The following MEIS2 variants were observed in gnomAD, a reference collection of about 807,000 sequenced individuals.
MEIS2 encodes Meis homeobox 2.
Under a neutral mutation model 58.6 loss-of-function variants are expected in MEIS2, and 9 were observed. That is an observed-to-expected ratio of 0.15 (90% CI 0.09 to 0.27). The LOEUF is 0.27. Ranked by LOEUF, MEIS2 falls within the 10% of genes least tolerant of loss-of-function variation. The probability of loss-of-function intolerance (pLI) is 1.00; values close to 1 mark genes in which losing one functional copy is unlikely to be tolerated. For missense variants in MEIS2, 427 were observed against 635.0 expected, an observed-to-expected ratio of 0.67 and a Z score of 3.52; for synonymous variants, 221 against 228.4, an observed-to-expected ratio of 0.97 and a Z score of 0.29.
intron 7 of MEIS2, among the ~76,000 whole-genome samples, chr15:37,052,810 T>A (rs1029848217): frequency 3.3e-5 from 5 of 152,320 alleles, no homozygotes; most frequent in African/African-American, 1.2e-4. Context: ...TCCTTATTCT[T>A]CCGAAACTCA....
intron 9 of MEIS2, among the ~76,000 whole-genome samples, chr15:36,943,870 C>G (rs1402590229): frequency 6.6e-6 from 1 of 152,054 alleles, no homozygotes; most frequent in Non-Finnish European, 1.5e-5. Context: ...TTATTTCCCC[C>G]TCTACTCCTT....
At chr15:36,918,660 T>A (rs576367979) in intron 9 of MEIS2, among the ~76,000 whole-genome samples, 1 of 151,850 alleles carries the variant, frequency 6.6e-6, no homozygotes, top group Admixed American at 6.6e-5. Context: ...GCAGAAAAGG[T>A]GGAGATAACC....
intron 9 of MEIS2, among the ~76,000 whole-genome samples, chr15:36,909,478 G>A (rs923212870): frequency 6.6e-6 from 1 of 152,122 alleles, no homozygotes; most frequent in Non-Finnish European, 1.5e-5. Context: ...TGAGTTTAAG[G>A]ATTTTCTTGT....
At chr15:37,011,736 C>T (rs1227644939) in intron 8 of MEIS2, among the ~76,000 whole-genome samples, 1 of 150,380 alleles carries the variant, frequency 6.6e-6, no homozygotes, top group Non-Finnish European at 1.5e-5. Context: ...TCTTTTGTCT[C>T]AGCCTCCTGA....
At chr15:37,096,092 G>A in intron 3 of MEIS2, 197 bp downstream of exon 3, 1 of 564,340 alleles carries the variant, frequency 1.8e-6, no homozygotes, top group South Asian at 2.8e-5. Flanking sequence ...CTGCTGGGGG[G>A]GAAAACAAAC....
intron 7 of MEIS2, among the ~76,000 whole-genome samples, chr15:37,060,760 G>A (rs1424679328): frequency 2.6e-5 from 4 of 152,136 alleles, no homozygotes. Flanking sequence ...TCTGATGCTT[G>A]GCATTTGGCA....
rs1567126001 is a variant in MEIS2 at position 36,971,536 on chromosome 15, T to TAAAAAAAAAAAAAAAAAAAAAAAAAAAAA, written c.901-21137_901-21136insTTTTTTTTTTTTTTTTTTTTTTTTTTTTT. On this transcript the variant is annotated intron_variant, in intron 8 of 11. Transcript: ENST00000561208. Reference sequence around the variant, plus strand: ...TGTATTACTTGTATGCCTTGTTACATTAAAAAAAAAAAAAAAAAAAAAAAA... The same window carrying TAAAAAAAAAAAAAAAAAAAAAAAAAAAAA: ...TGTATTACTTGTATGCCTTGTTACATAAAAAAAAAAAAAAAAAAAAAAAAAAAAATAAAAAAAAAAAAAAAAAAAAAAAA... 1.1e-4 allele frequency among the ~76,000 whole-genome samples: 7 copies of TAAAAAAAAAAAAAAAAAAAAAAAAAAAAA among 65,422 alleles called. 1 individual carries two copies. Among genetic ancestry groups the TAAAAAAAAAAAAAAAAAAAAAAAAAAAAA allele is most frequent in the Non-Finnish European group, 1.8e-4 (7 of 39,680 alleles). The allele number at this position is 65,422 out of a possible 152,430, so 42.9% of individuals were successfully genotyped here. A position where few individuals can be genotyped will look rare whatever the true frequency, so the allele number is the denominator to read the frequency against.
At position 37,098,421 on chromosome 15, in the gene MEIS2, A is replaced by AGAGAGG. The variant is rs1555474176; in HGVS notation, c.13-223_13-222insCCTCTC. ...GAGAGAGAGAGAGAGAGAGAGAGAG[A>AGAGAGG]GAGAAAATAAAAATAAAAACAAAGT... On this transcript the variant is annotated intron_variant, in intron 1 of 11. Transcript: ENST00000561208. The AGAGAGG allele has an allele frequency of 1.8e-4, 213 of 1,200,848 alleles. 1 individual carries two copies. Among genetic ancestry groups the AGAGAGG allele is most frequent in the Admixed American group, 4.3e-4 (11 of 25,394 alleles). The allele number at this position is 1,200,848 out of a possible 1,614,324, so 74.4% of individuals were successfully genotyped here. A position where few individuals can be genotyped will look rare whatever the true frequency, so the allele number is the denominator to read the frequency against.
At chr15:36,910,784 C>T (rs1359171740) in intron 9 of MEIS2, among the ~76,000 whole-genome samples, 2 of 152,134 alleles carry the variant, frequency 1.3e-5, no homozygotes, top group South Asian at 2.1e-4. Context: ...CAGTGGCTCA[C>T]GCCTGTAATC....
At chr15:37,088,943 G>A (rs529410256) in intron 6 of MEIS2, among the ~76,000 whole-genome samples, 1 of 152,190 alleles carries the variant, frequency 6.6e-6, no homozygotes, top group Non-Finnish European at 1.5e-5. Flanking sequence ...ATGTCTATGT[G>A]GTTGTCAATT....
chr15:37,062,996 C>G (rs1177503150), intron 7 of MEIS2, among the ~76,000 whole-genome samples: 2 of 152,086 alleles, frequency 1.3e-5, no homozygotes, highest in East Asian at 1.9e-4. Context: ...GCATTACAAG[C>G]CTGTCACCAA....
At chr15:36,970,762 G>A (rs117122839) in intron 8 of MEIS2, among the ~76,000 whole-genome samples, 292 of 152,232 alleles carry the variant, frequency 1.9e-3, no homozygotes, top group Non-Finnish European at 3.4e-3. Context: ...TGTACACATC[G>A]TAAACTAGAG....
chr15:37,050,474 G>A (rs552997174), intron 7 of MEIS2, among the ~76,000 whole-genome samples: 48 of 152,190 alleles, frequency 3.2e-4, no homozygotes, highest in African/African-American at 1.1e-3. Context: ...TAGAGTTGAC[G>A]TGTCATAAAT....
At chr15:37,069,406 G>C (rs1388765409) in intron 7 of MEIS2, among the ~76,000 whole-genome samples, 2 of 152,170 alleles carry the variant, frequency 1.3e-5, no homozygotes, top group African/African-American at 4.8e-5. Context: ...AAATCTTGCA[G>C]AAAGTCTCTT....
At chr15:36,939,886 T>C (rs1204394330) in intron 9 of MEIS2, among the ~76,000 whole-genome samples, 3 of 152,210 alleles carry the variant, frequency 2.0e-5, no homozygotes, top group Non-Finnish European at 4.4e-5. Flanking sequence ...ACTTAGGGTA[T>C]GGGACGGGTA....
At chr15:36,929,002 C>T (rs1052322127) in intron 9 of MEIS2, among the ~76,000 whole-genome samples, 2 of 152,150 alleles carry the variant, frequency 1.3e-5, no homozygotes, top group African/African-American at 4.8e-5. Flanking sequence ...ATAGATTATT[C>T]CATTATAAAC....
At chr15:37,087,709 C>T (rs1201306240) in intron 6 of MEIS2, among the ~76,000 whole-genome samples, 1 of 152,080 alleles carries the variant, frequency 6.6e-6, no homozygotes, top group African/African-American at 2.4e-5. Context: ...GTGTGCCTCT[C>T]TTGTTGAAGT....
chr15:37,034,107 A>G (rs894303638), intron 8 of MEIS2, among the ~76,000 whole-genome samples: 5 of 152,130 alleles, frequency 3.3e-5, no homozygotes, highest in African/African-American at 1.2e-4. Flanking sequence ...GTTAGTGAAA[A>G]GCAAAAGCAA....
intron 8 of MEIS2, among the ~76,000 whole-genome samples, chr15:36,999,503 A>G (rs2060646810): frequency 6.6e-6 from 1 of 152,310 alleles, no homozygotes; most frequent in South Asian, 2.1e-4. Flanking sequence ...GAACAGTGCC[A>G]TTAAGAGTGA....
Sources: gnomAD v4.1 joint callset for allele counts (sites outside exome capture counted in the v4.1 genomes callset) on GRCh38, gnomAD v4.1.1 for gene constraint, MANE v1.5 for transcripts, NCBI Gene and HGNC (gene_info 2026-07-23, HGNC 2026-07-21) for gene names.